The following OR2L13 variants were observed in gnomAD, a reference collection of about 807,000 sequenced individuals.
OR2L13 encodes olfactory receptor family 2 subfamily L member 13, also known as olfactory receptor 2L13.
OR2L13 carries 14 observed loss-of-function variants against 15.3 expected under a neutral mutation model. The observed-to-expected ratio is 0.91, with a 90% CI of 0.60 to 1.43. The LOEUF (loss-of-function observed/expected upper bound fraction) is 1.43. Ranked by LOEUF, OR2L13 falls within the 40% of genes most tolerant of loss-of-function variation. The pLI, the probability that OR2L13 is intolerant of heterozygous loss-of-function variation, is 0.00. For missense variants in OR2L13, 367 were observed against 387.9 expected, an observed-to-expected ratio of 0.95 and a Z score of 0.45; for synonymous variants, 152 against 142.9, an observed-to-expected ratio of 1.06 and a Z score of -0.45.
the OR2L13 span, among the ~76,000 whole-genome samples, chr1:248,042,519 TAAAC>T: frequency 2.4e-3 from 365 of 151,026 alleles, 3 homozygotes; most frequent in South Asian, 0.018. Context: ...AAAAAATAAA[TAAAC>T]AAATAAATAA....
At chr1:247,975,376 G>A in the OR2L13 span, 3 of 617,078 alleles carry the variant, frequency 4.9e-6, no homozygotes, top group African/African-American at 5.7e-5. Context: ...TTCCTATGGT[G>A]AGGTTCTCCT....
At chr1:248,075,960 T>C in the OR2L13 span, among the ~76,000 whole-genome samples, 2 of 152,230 alleles carry the variant, frequency 1.3e-5, no homozygotes, top group Non-Finnish European at 2.9e-5. Flanking sequence ...TAGGTTTTCT[T>C]CTAGGGTTTT....
At chr1:248,059,145 T>C in the OR2L13 span, among the ~76,000 whole-genome samples, 1 of 152,210 alleles carries the variant, frequency 6.6e-6, no homozygotes, top group Non-Finnish European at 1.5e-5. Context: ...TGTGTGATTA[T>C]GCATATTTCT....
At chr1:248,061,095 AAT>A in the OR2L13 span, 1 of 1,613,664 alleles carries the variant, frequency 6.2e-7, no homozygotes, top group Non-Finnish European at 8.5e-7. Context: ...TGAGCAAAAG[AAT>A]GTGTGTGCTG....
At chr1:248,101,159 CTT>C (rs955677052), downstream of OR2L13, 4 of 152,006 alleles carry the variant, frequency 2.6e-5, no homozygotes, top group Non-Finnish European at 5.9e-5. Context: ...ATATAAATAA[CTT>C]TATCAAAGTT....
At chr1:248,022,702 C>A in the OR2L13 span, 11 of 1,614,142 alleles carry the variant, frequency 6.8e-6, no homozygotes, top group Non-Finnish European at 8.5e-6. Context: ...TTCTACTATG[C>A]ACCCTTTGCT....
At chr1:248,052,137 C>T in the OR2L13 span, among the ~76,000 whole-genome samples, 2 of 152,138 alleles carry the variant, frequency 1.3e-5, no homozygotes, top group Non-Finnish European at 2.9e-5. Flanking sequence ...ACATTTTCAC[C>T]AACAATTCTT....
chr1:247,956,981 G>T, the OR2L13 span, among the ~76,000 whole-genome samples: 1 of 152,114 alleles, frequency 6.6e-6, no homozygotes, highest in South Asian at 2.1e-4. Context: ...CCAACACTAT[G>T]TTGAATAGGA....
chr1:247,978,644 A>G, the OR2L13 span, among the ~76,000 whole-genome samples: 75 of 152,316 alleles, frequency 4.9e-4, 2 homozygotes, highest in East Asian at 0.012. Flanking sequence ...TTCTTCCTTC[A>G]GTATAAACCA....
At chr1:247,961,019 T>C in the OR2L13 span, among the ~76,000 whole-genome samples, 2 of 152,188 alleles carry the variant, frequency 1.3e-5, no homozygotes, top group African/African-American at 4.8e-5. Flanking sequence ...ATTACCCGTC[T>C]TCTGCGTCGC....
the OR2L13 span, chr1:247,966,327 A>T: frequency 1.9e-6 from 3 of 1,611,590 alleles, no homozygotes; most frequent in Non-Finnish European, 2.5e-6. Context: ...ATGACTTCAG[A>T]TCTCTGTATT....
the OR2L13 span, among the ~76,000 whole-genome samples, chr1:247,937,739 C>T: frequency 1.4e-4 from 22 of 152,260 alleles, no homozygotes; most frequent in African/African-American, 5.3e-4. Flanking sequence ...CGCCTCTCCC[C>T]TAAGTAATGT....
chr1:247,956,207 T>C, the OR2L13 span, among the ~76,000 whole-genome samples: 3 of 152,164 alleles, frequency 2.0e-5, no homozygotes, highest in African/African-American at 4.8e-5. Context: ...GGGAATCCTT[T>C]CCCCATTGCT....
chr1:248,080,623 C>T, the OR2L13 span, among the ~76,000 whole-genome samples: 1 of 152,282 alleles, frequency 6.6e-6, no homozygotes, highest in South Asian at 2.1e-4. Context: ...TTTCTAATGG[C>T]TGTATAGTCT....
the OR2L13 span, chr1:248,039,714 A>G: frequency 1.3e-5 from 2 of 152,238 alleles, no homozygotes; most frequent in Non-Finnish European, 2.9e-5. Flanking sequence ...TAATAATTAC[A>G]TAATAGTTGT....
the OR2L13 span, among the ~76,000 whole-genome samples, chr1:247,957,626 T>C: frequency 6.6e-6 from 1 of 152,184 alleles, no homozygotes; most frequent in Non-Finnish European, 1.5e-5. Context: ...CAGAGCCTGT[T>C]ATTGGTCTAT....
the OR2L13 span, among the ~76,000 whole-genome samples, chr1:248,075,334 G>A: frequency 6.6e-6 from 1 of 152,196 alleles, no homozygotes; most frequent in Non-Finnish European, 1.5e-5. Context: ...TGTCTTTATA[G>A]TAGCATGATT....
the OR2L13 span, among the ~76,000 whole-genome samples, chr1:248,086,894 A>G: frequency 1.3e-5 from 2 of 151,256 alleles, no homozygotes; most frequent in African/African-American, 4.8e-5. Context: ...ATTTATATTT[A>G]TTTCTATTTG....
At chr1:247,962,957 TAA>T in the OR2L13 span, among the ~76,000 whole-genome samples, 1 of 152,188 alleles carries the variant, frequency 6.6e-6, no homozygotes, top group Non-Finnish European at 1.5e-5. Context: ...AAGAAATAGA[TAA>T]GTTTGGACTT....
Sources: allele counts gnomAD v4.1 joint callset (sites outside exome capture counted in the v4.1 genomes callset), GRCh38; gene constraint gnomAD v4.1.1; transcripts MANE v1.5; gene names NCBI Gene and HGNC (gene_info 2026-07-23, HGNC 2026-07-21).